The following FSD1L variants were observed in gnomAD, a reference collection of about 807,000 sequenced individuals.
FSD1L encodes the protein FSD1-like protein.
FSD1L carries 45 observed loss-of-function variants against 71.6 expected under a neutral mutation model. That is an observed-to-expected ratio of 0.63 (90% CI 0.49 to 0.81). FSD1L has a LOEUF of 0.81. Ranked by LOEUF, FSD1L falls within the 30% of genes least tolerant of loss-of-function variation. The probability of loss-of-function intolerance (pLI) is 0.00; values close to 1 mark genes in which losing one functional copy is unlikely to be tolerated. For synonymous variants in FSD1L, 197 were observed against 207.2 expected (o/e 0.95, Z 0.42); for missense variants, 561 against 618.1 (o/e 0.91, Z 0.98).
In FSD1L at chr9:105,506,594, A is replaced by C; in HGVS notation, c.782A>C (p.Glu261Ala). The change falls in exon 8 of 14, where the codon GAA becomes GCA. Residue 261 changes from glutamate (E) to alanine (A), a missense_variant. By Grantham distance (107) the Glu-to-Ala change is moderately radical. Around this residue, in one of 3 missense-constraint regions of FSD1L, gnomAD observed 410 missense variants for 413.5 expected, o/e 0.99. Transcript: ENST00000481272. ...WEIIDNIKGT[E>A]YTLSGLKFDS... is the part of the protein sequence containing the mutation. ...ATAATTGATAATATTAAGGGTACTG[A>C]ATATACACTATCAGGTAACATGACT... The C allele has an allele frequency of 1.9e-5, 30 of 1,543,890 alleles. No individual in the cohort carries two copies. Among genetic ancestry groups the C allele is most frequent in the Non-Finnish European group, 2.6e-5 (30 of 1,140,068 alleles).
chr9:105,530,399 G>C, intron 10 of FSD1L: 2 of 492,372 alleles, frequency 4.1e-6, no homozygotes, highest in Non-Finnish European at 7.1e-6. Flanking sequence ...TGCTGCAATG[G>C]AAGAGTTTTC....
At chr9:105,491,006 T>C (rs1448691260) in intron 7 of FSD1L, among the ~76,000 whole-genome samples, 1 of 151,614 alleles carries the variant, frequency 6.6e-6, no homozygotes, top group Non-Finnish European at 1.5e-5. Flanking sequence ...TTTGGTTCCA[T>C]ATGAACTTTA....
intron 7 of FSD1L, among the ~76,000 whole-genome samples, chr9:105,504,055 T>A (rs1001074989): frequency 7.2e-5 from 11 of 152,366 alleles, no homozygotes; most frequent in East Asian, 1.9e-4. Flanking sequence ...TGACTTTTTT[T>A]ATACCAACCT....
chr9:105,476,732 G>A (rs892889975), intron 5 of FSD1L, among the ~76,000 whole-genome samples: 1 of 152,050 alleles, frequency 6.6e-6, no homozygotes, highest in Non-Finnish European at 1.5e-5. Context: ...GTATAGTATT[G>A]TGTATCTTTT....
intron 10 of FSD1L, among the ~76,000 whole-genome samples, chr9:105,515,100 C>T (rs1026739800): frequency 2.6e-5 from 4 of 152,110 alleles, no homozygotes; most frequent in Non-Finnish European, 4.4e-5. Flanking sequence ...TTGCAACTCT[C>T]TCTCGAAACT....
At chr9:105,482,877 A>G (rs1300570393) in intron 6 of FSD1L, among the ~76,000 whole-genome samples, 1 of 152,208 alleles carries the variant, frequency 6.6e-6, no homozygotes, top group East Asian at 1.9e-4. Context: ...AACATTTCTC[A>G]GTAAACATTT....
At chr9:105,523,564 AC>A (rs1835320195) in intron 10 of FSD1L, 2 of 1,612,200 alleles carry the variant, frequency 1.2e-6, no homozygotes, top group African/African-American at 2.7e-5. Flanking sequence ...ATTAGAGATA[AC>A]CTCGGCATTT....
At position 105,461,860 on chromosome 9, in the gene FSD1L, A is replaced by G. The variant is rs114703856; in HGVS notation, c.111+245A>G. Reference sequence around the variant, plus strand: ...GAGACCTCGTCTCTACAAAAAATCAAATAATGAGGCAGGTGGATATGGCTT... The same window carrying G: ...GAGACCTCGTCTCTACAAAAAATCAGATAATGAGGCAGGTGGATATGGCTT... On this transcript the variant is annotated intron_variant, in intron 2 of 13. Coordinates refer to ENST00000481272, the MANE Select transcript of FSD1L (RefSeq NM_001145313.3). 3.9e-5 allele frequency among the ~76,000 whole-genome samples: 6 copies of G among 152,182 alleles called. No homozygotes were observed. The East Asian group carries it at 1.2e-3, about 29-fold the overall frequency.
intron 7 of FSD1L, among the ~76,000 whole-genome samples, chr9:105,500,234 A>C (rs1241508615): frequency 1.3e-5 from 2 of 152,250 alleles, no homozygotes; most frequent in Non-Finnish European, 2.9e-5. Context: ...TGGGTTAAAG[A>C]AACTGATGTA....
intron 7 of FSD1L, among the ~76,000 whole-genome samples, chr9:105,494,014 A>G (rs1376359648): frequency 1.3e-5 from 2 of 152,154 alleles, no homozygotes; most frequent in South Asian, 2.1e-4. Flanking sequence ...TCTTTGTGTC[A>G]TTCTCTGTAT....
chr9:105,532,754 C>G (rs1268302224), intron 10 of FSD1L, among the ~76,000 whole-genome samples: 1 of 152,126 alleles, frequency 6.6e-6, no homozygotes. Flanking sequence ...CACAAAGGAC[C>G]TTTGAAATCC....
Position 105,479,341 on chromosome 9 carries a change from G to T in FSD1L, c.442-13G>T. The T allele has an allele frequency of 6.4e-7, 1 of 1,550,438 alleles. No homozygotes were observed. The highest frequency in any genetic ancestry group is 1.4e-5 in the African/African-American group (1 of 73,122). ...AACTTGCCTTCTTTCTCTTCTCCCT[G>T]ATTGGCTCCAAGGCTGCCAGACAGA... On this transcript the variant is annotated splice_polypyrimidine_tract_variant and intron_variant, in intron 5 of 13. Coordinates refer to ENST00000481272, the MANE Select transcript of FSD1L (RefSeq NM_001145313.3).
At chr9:105,488,340 A>G (rs1250105460) in intron 7 of FSD1L, among the ~76,000 whole-genome samples, 2 of 152,140 alleles carry the variant, frequency 1.3e-5, no homozygotes, top group Admixed American at 6.6e-5. Flanking sequence ...TCCTCCATGT[A>G]TATTGATGAC....
chr9:105,450,360 A>G (rs1032869640), intron 1 of FSD1L, among the ~76,000 whole-genome samples: 7 of 152,168 alleles, frequency 4.6e-5, no homozygotes, highest in African/African-American at 1.2e-4. Context: ...TTTGTTAGGC[A>G]TTGGGATTTG....
At position 105,551,346 on chromosome 9, in the gene FSD1L, A is replaced by G. The variant is rs1455313037; in HGVS notation, c.*4863A>G. The G allele has an allele frequency of 6.6e-6, 1 of 152,012 alleles. No homozygotes were observed. The highest frequency in any genetic ancestry group is 1.5e-5 in the Non-Finnish European group (1 of 67,944). The allele number at this position is 152,012 out of a possible 1,614,324, so 9.4% of individuals were successfully genotyped here. A position where few individuals can be genotyped will look rare whatever the true frequency, so the allele number is the denominator to read the frequency against. ...AAATTAATCACCTTAGCTCTACCAT[A>G]TACTAGATCTGTGACCGCTACACAA... On this transcript the variant is annotated 3_prime_UTR_variant, in exon 14 of 14. Transcript: ENST00000481272.
intron 4 of FSD1L, among the ~76,000 whole-genome samples, chr9:105,470,415 A>G (rs1414489534): frequency 6.6e-6 from 1 of 152,032 alleles, no homozygotes; most frequent in Non-Finnish European, 1.5e-5. Flanking sequence ...TTTTTGTTGT[A>G]TATTTCTTTT....
chr9:105,471,889 T>C lies in FSD1L; in HGVS notation c.340-15T>C. On this transcript the variant is annotated splice_polypyrimidine_tract_variant and intron_variant, in intron 4 of 13. Coordinates refer to ENST00000481272, the MANE Select transcript of FSD1L (RefSeq NM_001145313.3). Reference sequence around the variant, plus strand: ...CTTCATTTTAATGACTTAGTTTTTTTTTTTTTTTCCCTAGAGTCAGATTAG... The same window carrying C: ...CTTCATTTTAATGACTTAGTTTTTTCTTTTTTTTCCCTAGAGTCAGATTAG... The C allele has an allele frequency of 9.5e-7, 1 of 1,053,856 alleles. No homozygotes were observed. The highest frequency in any genetic ancestry group is 4.0e-5 in the Admixed American group (1 of 25,242). 65.3% of individuals were successfully genotyped at this position (1,053,856 alleles called of 1,614,324 possible).
At chr9:105,521,343 G>C (rs192639554) in intron 10 of FSD1L, 1 of 1,613,978 alleles carries the variant, frequency 6.2e-7, no homozygotes, top group Non-Finnish European at 8.5e-7. Flanking sequence ...TACAGAACCC[G>C]AACAGTCTCA....
intron 10 of FSD1L, among the ~76,000 whole-genome samples, chr9:105,527,861 G>A (rs1031847571): frequency 5.9e-5 from 9 of 152,152 alleles, no homozygotes; most frequent in African/African-American, 2.2e-4. Context: ...AATTGTCTCT[G>A]TTTGCAGATG....
Sources: allele counts gnomAD v4.1 joint callset (sites outside exome capture counted in the v4.1 genomes callset), GRCh38; gene constraint gnomAD v4.1.1; regional missense constraint gnomAD v4.1.1; transcripts MANE v1.5; gene names NCBI Gene and HGNC (gene_info 2026-07-23, HGNC 2026-07-21).